MMP16: variants seen among roughly 807,000 people sequenced by gnomAD.
MMP16 encodes the protein matrix metalloproteinase-16.
In MMP16, 12 loss-of-function variants were observed where a neutral mutation model predicts 67.8. The ratio of observed to expected loss-of-function variants is 0.18; its 90% CI spans 0.11 to 0.29. MMP16 has a LOEUF of 0.29. MMP16 is among the 10% of genes least tolerant of loss of function. The probability of loss-of-function intolerance (pLI) is 1.00; values close to 1 mark genes in which losing one functional copy is unlikely to be tolerated. For synonymous variants in MMP16, 249 were observed against 255.9 expected (o/e 0.97, Z 0.26); for missense variants, 475 against 765.7 (o/e 0.62, Z 4.48).
intron 4 of MMP16, among the ~76,000 whole-genome samples, chr8:88,130,545 T>A (rs1314734234): frequency 6.6e-6 from 1 of 151,800 alleles, no homozygotes; most frequent in Non-Finnish European, 1.5e-5. Flanking sequence ...GTAACTAAAA[T>A]TCATATTTAA....
chr8:88,327,341 G>T lies in MMP16; in HGVS notation c.-135C>A. ...AGCCTGCAGGTTCACCCACAGCCGG[G>T]CAAGGGGAGGAGACAGGGGCCCCGC... On this transcript the variant is annotated 5_prime_UTR_variant, in exon 1 of 10. Coordinates refer to ENST00000286614, the MANE Select transcript of MMP16 (RefSeq NM_005941.5). 1 of 1,191,062 alleles carries T rather than the reference G, an allele frequency of 8.4e-7. No individual in the cohort carries two copies. The highest frequency in any genetic ancestry group is 1.2e-6 in the Non-Finnish European group (1 of 847,084). 73.8% of individuals were successfully genotyped at this position (1,191,062 alleles called of 1,614,324 possible). A position where few individuals can be genotyped will look rare whatever the true frequency, so the allele number is the denominator to read the frequency against.
chr8:88,259,713 T>C (rs989636667), intron 1 of MMP16, among the ~76,000 whole-genome samples: 1 of 152,284 alleles, frequency 6.6e-6, no homozygotes, highest in South Asian at 2.1e-4. Flanking sequence ...ACTGATTCCA[T>C]TAAATACTAT....
At chr8:88,141,158 C>G (rs948451236) in intron 4 of MMP16, among the ~76,000 whole-genome samples, 4 of 152,142 alleles carry the variant, frequency 2.6e-5, no homozygotes, top group African/African-American at 9.7e-5. Context: ...CTCCCACTTC[C>G]TGCAAATGAC....
chr8:88,090,032 A>T (rs2118340599), intron 6 of MMP16, among the ~76,000 whole-genome samples: 1 of 152,160 alleles, frequency 6.6e-6, no homozygotes, highest in Admixed American at 6.6e-5. Flanking sequence ...TTCCTTCATG[A>T]GTAGTCAAAA....
At chr8:88,172,649 A>T (rs1808824607) in intron 3 of MMP16, among the ~76,000 whole-genome samples, 1 of 152,208 alleles carries the variant, frequency 6.6e-6, no homozygotes, top group Non-Finnish European at 1.5e-5. Flanking sequence ...ATTTAATTTT[A>T]AAATATTTTT....
rs569498483 is a variant in MMP16, at chr8:88,164,908, A to G, written c.709+2761T>C. On this transcript the variant is annotated intron_variant, in intron 4 of 9. Coordinates refer to ENST00000286614, the MANE Select transcript of MMP16 (RefSeq NM_005941.5). ...TTTCAGAATTTCTTCCCACATATAC[A>G]TTCCTTGGAAAAATTCTTAAATCAT... 3.3e-5 allele frequency among the ~76,000 whole-genome samples: 5 copies of G among 151,912 alleles called. No homozygotes were observed. In the South Asian group the frequency reaches 8.3e-4, roughly 25 times the overall value.
chr8:88,296,944 TAAA>T (rs938360069), intron 1 of MMP16, among the ~76,000 whole-genome samples: 16 of 151,058 alleles, frequency 1.1e-4, no homozygotes, highest in Non-Finnish European at 2.1e-4. Context: ...AATTAAATAA[TAAA>T]AAAAAGCAAA....
chr8:88,281,042 C>T (rs1187936729), intron 1 of MMP16, among the ~76,000 whole-genome samples: 1 of 152,160 alleles, frequency 6.6e-6, no homozygotes, highest in African/African-American at 2.4e-5. Context: ...TGAAATTTCA[C>T]TCCAAAGCAG....
At chr8:88,179,649 A>C (rs979565222) in intron 3 of MMP16, among the ~76,000 whole-genome samples, 2 of 152,216 alleles carry the variant, frequency 1.3e-5, no homozygotes, top group Non-Finnish European at 2.9e-5. Flanking sequence ...CACATGGATA[A>C]ATAAAATGAA....
At chr8:88,287,291 T>TG (rs1810847471) in intron 1 of MMP16, among the ~76,000 whole-genome samples, 1 of 152,158 alleles carries the variant, frequency 6.6e-6, no homozygotes, top group Admixed American at 6.6e-5. Flanking sequence ...TCTCTCCCCA[T>TG]TCCTTCTGTA....
chr8:88,207,017 C>A (rs1487106050), intron 1 of MMP16, among the ~76,000 whole-genome samples: 1 of 151,938 alleles, frequency 6.6e-6, no homozygotes, highest in East Asian at 1.9e-4. Context: ...AAAGCTTCAA[C>A]AATTTGAAAA....
At chr8:88,129,127 C>A (rs1807985472) in intron 4 of MMP16, among the ~76,000 whole-genome samples, 1 of 151,670 alleles carries the variant, frequency 6.6e-6, no homozygotes, top group Non-Finnish European at 1.5e-5. Context: ...TAACATGATT[C>A]TCTGCACCTG....
At chr8:88,106,521 C>T (rs1809244416) in intron 6 of MMP16, among the ~76,000 whole-genome samples, 1 of 151,148 alleles carries the variant, frequency 6.6e-6, no homozygotes, top group African/African-American at 2.4e-5. Context: ...AAAACCTTTC[C>T]CAGGCAAAGA....
At chr8:88,206,059 A>G (rs1256644924) in intron 1 of MMP16, among the ~76,000 whole-genome samples, 1 of 151,526 alleles carries the variant, frequency 6.6e-6, no homozygotes, top group Non-Finnish European at 1.5e-5. Context: ...AAGATTCTCC[A>G]GCTGGCCTCT....
intron 8 of MMP16, among the ~76,000 whole-genome samples, chr8:88,054,227 T>C (rs577368780): frequency 1.2e-4 from 19 of 152,338 alleles, no homozygotes; most frequent in African/African-American, 4.3e-4. Flanking sequence ...GCTTCCATTT[T>C]CTGTCCCCTA....
intron 1 of MMP16, among the ~76,000 whole-genome samples, chr8:88,283,456 A>G (rs1563583469): frequency 6.6e-6 from 1 of 152,166 alleles, no homozygotes; most frequent in East Asian, 1.9e-4. Context: ...ACAGAACTCA[A>G]AAACAAAGCT....
chr8:88,090,575 T>G (rs896624627), intron 6 of MMP16, among the ~76,000 whole-genome samples: 37 of 152,012 alleles, frequency 2.4e-4, no homozygotes, highest in South Asian at 2.1e-4. Context: ...GTCCATCAAG[T>G]TCATCTTTCC....
intron 3 of MMP16, among the ~76,000 whole-genome samples, chr8:88,174,119 C>T (rs560875429): frequency 6.6e-6 from 1 of 152,184 alleles, no homozygotes; most frequent in South Asian, 2.1e-4. Flanking sequence ...CCAGTGTGTC[C>T]TCAGTTGTAA....
intron 4 of MMP16, among the ~76,000 whole-genome samples, chr8:88,120,699 A>G (rs1807815654): frequency 6.6e-6 from 1 of 152,028 alleles, no homozygotes; most frequent in Admixed American, 6.6e-5. Flanking sequence ...TGAACAGCCT[A>G]GTCACACATG....
Sources: allele counts gnomAD v4.1 joint callset (sites outside exome capture counted in the v4.1 genomes callset), GRCh38; gene constraint gnomAD v4.1.1; transcripts MANE v1.5; gene names NCBI Gene and HGNC (gene_info 2026-07-23, HGNC 2026-07-21).